The following MED23 variants were observed in gnomAD, a reference collection of about 807,000 sequenced individuals.
The protein encoded by MED23 is mediator of RNA polymerase II transcription subunit 23.
In MED23, 105 loss-of-function variants were observed where a neutral mutation model predicts 163.9. That is an observed-to-expected ratio of 0.64 (90% CI 0.55 to 0.75). The LOEUF is 0.75. Among genes scored for constraint, MED23 ranks in the 30% least tolerant of loss-of-function variants. MED23 has a pLI of 0.00. For synonymous variants in MED23, 561 were observed against 565.6 expected (o/e 0.99, Z 0.12); for missense variants, 1,054 against 1,649.0 (o/e 0.64, Z 6.25).
rs747155006 is a variant in MED23, at chr6:131,618,431, C to T, written c.756G>A (p.Leu252=). 17 of 1,613,626 alleles carry T rather than the reference C, an allele frequency of 1.1e-5. No individual in the cohort carries two copies. Among genetic ancestry groups the T allele is most frequent in the Non-Finnish European group, 1.4e-5 (17 of 1,179,782 alleles). The part of the protein sequence containing the change: ...KLDPATLRFP[L]KGLLPYDKDL... The stretch of plus-strand genomic sequence containing the variant: ...CCTTATCATATGGCAAAAGGCCTTT[C>T]AAAGGAAAACGAAGAGTAGCAGGAT... The change falls in exon 9 of 29, where the codon TTG becomes TTA. Residue 252 remains leucine, a synonymous_variant. Transcript: ENST00000368068.
intron 4 of MED23, among the ~76,000 whole-genome samples, chr6:131,624,244 G>A (rs191747674): frequency 1.3e-5 from 2 of 152,302 alleles, no homozygotes; most frequent in Non-Finnish European, 2.9e-5. Context: ...TAAGACTATG[G>A]CCAAAAGGAT....
Position 131,596,169 on chromosome 6 carries a change from G to C in MED23, c.2779-6C>G. ...TACAACTTCTCTGGATATTTCTGTGGAATTGAGAAGATGATAAATGGTTAG... is the reference window on the plus strand; with the variant it reads ...TACAACTTCTCTGGATATTTCTGTGCAATTGAGAAGATGATAAATGGTTAG... On this transcript the variant is annotated splice_region_variant and splice_polypyrimidine_tract_variant and intron_variant, in intron 21 of 28. Transcript: ENST00000368068. 6.2e-7 allele frequency: 1 copy of C among 1,611,098 alleles called. No homozygotes were observed. The highest frequency in any genetic ancestry group is 8.5e-7 in the Non-Finnish European group (1 of 1,177,282).
chr6:131,627,604 A>G, intron 2 of MED23, 37 bp downstream of exon 2: 1 of 1,611,304 alleles, frequency 6.2e-7, no homozygotes, highest in Non-Finnish European at 8.5e-7. Context: ...AGACACAATC[A>G]CATAAAAACA....
At chr6:131,627,897 G>T in intron 1 of MED23, 114 bp downstream of exon 1, 1 of 1,367,186 alleles carries the variant, frequency 7.3e-7, no homozygotes, top group Non-Finnish European at 1.0e-6. Context: ...TCAAAACAAG[G>T]GAATAAAAAG....
rs144994895 is a variant in MED23 at position 131,576,667 on chromosome 6, G to A, written c.4096-2372C>T. The A allele has an allele frequency of 1.3e-3, 2,042 of 1,613,738 alleles. 3 individuals carry two copies. The highest frequency in any genetic ancestry group is 1.6e-3 in the Non-Finnish European group (1,879 of 1,179,686). On this transcript the variant is annotated intron_variant, in intron 30 of 30. Coordinates refer to the MED23 transcript ENST00000354577. ...CTTTATTTTTTAATTGTTCAGCCACGAGGAGGGGTGGAAGAAGGCCCTACA... is the reference window on the plus strand; with the variant it reads ...CTTTATTTTTTAATTGTTCAGCCACAAGGAGGGGTGGAAGAAGGCCCTACA...
chr6:131,583,722 A>G, downstream of MED23: 1 of 1,610,214 alleles, frequency 6.2e-7, no homozygotes, highest in South Asian at 1.1e-5. Context: ...AAATTACATT[A>G]TTACAATTTG....
intron 11 of MED23, among the ~76,000 whole-genome samples, chr6:131,609,019 C>A (rs2114690556): frequency 6.6e-6 from 1 of 152,256 alleles, no homozygotes; most frequent in South Asian, 2.1e-4. Context: ...TCACCTAGTC[C>A]TATTCCACGT....
At chr6:131,585,297 C>T (rs1181485556), downstream of MED23, among the ~76,000 whole-genome samples, 1 of 152,138 alleles carries the variant, frequency 6.6e-6, no homozygotes, top group East Asian at 1.9e-4. Flanking sequence ...TATGTGAAAA[C>T]CCCAGGGGGT....
chr6:131,627,773 C>G (rs915867363), intron 1 of MED23, 101 bp from the exon 2 acceptor site: 2 of 1,195,292 alleles, frequency 1.7e-6, no homozygotes, highest in Non-Finnish European at 2.4e-6. Context: ...TCACCTTAAT[C>G]AGCTCTGAAA....
At position 131,625,009 on chromosome 6, in the gene MED23, T is replaced by C; in HGVS notation, c.160-20A>G. The C allele has an allele frequency of 6.2e-7, 1 of 1,612,472 alleles. No individual in the cohort carries two copies. Among genetic ancestry groups the C allele is most frequent in the Non-Finnish European group, 8.5e-7 (1 of 1,179,532 alleles). On this transcript the variant is annotated intron_variant, in intron 3 of 28. Coordinates refer to ENST00000368068, the MANE Select transcript of MED23 (RefSeq NM_004830.4). ...AGACTCCTGGAAAATGAGAGAATGA[T>C]TTTACTTGGGGTCTAAAGTTACATT...
At chr6:131,593,882 C>G (rs1774841610) in intron 23 of MED23, among the ~76,000 whole-genome samples, 1 of 152,028 alleles carries the variant, frequency 6.6e-6, no homozygotes, top group Non-Finnish European at 1.5e-5. Flanking sequence ...CGCTTATCCT[C>G]AAGTTCTAAA....
intron 9 of MED23, 58 bp from the exon 10 acceptor site, chr6:131,616,060 T>G: frequency 7.3e-7 from 1 of 1,371,532 alleles, no homozygotes; most frequent in South Asian, 1.2e-5. Flanking sequence ...TAATCCAAAT[T>G]ATTAGAAATG....
At chr6:131,586,036 A>G (rs1774162848), downstream of MED23, among the ~76,000 whole-genome samples, 1 of 152,238 alleles carries the variant, frequency 6.6e-6, no homozygotes, top group Non-Finnish European at 1.5e-5. Flanking sequence ...GCAAGAATAC[A>G]TTGACGCTAT....
chr6:131,579,098 TTTTTAA>T lies in MED23; in HGVS notation c.4096-4809_4096-4804del, dbSNP rs768972828. 11 of 1,613,842 alleles carry T rather than the reference TTTTTAA, an allele frequency of 6.8e-6. No individual in the cohort carries two copies. Among genetic ancestry groups the T allele is most frequent in the Non-Finnish European group, 9.3e-6 (11 of 1,179,904 alleles). The stretch of plus-strand genomic sequence containing the variant: ...ACTTTTTAATTTAGTAACTCAAAAC[TTTTTAA>T]TTTTAGAGTGTGATGTGAAGGATTA... On this transcript the variant is annotated intron_variant, in intron 30 of 30. Transcript: ENST00000354577.
At chr6:131,599,456 A>G (rs868215184) in intron 18 of MED23, among the ~76,000 whole-genome samples, 2 of 152,194 alleles carry the variant, frequency 1.3e-5, no homozygotes, top group African/African-American at 4.8e-5. Flanking sequence ...GTGAAGTGTC[A>G]TATTACGCAC....
chr6:131,604,466 G>T, intron 14 of MED23, 146 bp from the exon 15 acceptor site: 1 of 957,496 alleles, frequency 1.0e-6, no homozygotes, highest in Non-Finnish European at 1.6e-6. Flanking sequence ...AGCTGTGCAG[G>T]ACACTTGGTA....
chr6:131,606,316 T>G (rs935179964), intron 13 of MED23, among the ~76,000 whole-genome samples, 163 bp downstream of exon 13: 1 of 152,100 alleles, frequency 6.6e-6, no homozygotes, highest in African/African-American at 2.4e-5. Context: ...ATATAGGTAC[T>G]GGTCAGATTC....
At chr6:131,616,224 G>A (rs908710893) in intron 9 of MED23, among the ~76,000 whole-genome samples, 2 of 152,018 alleles carry the variant, frequency 1.3e-5, no homozygotes, top group African/African-American at 4.8e-5. Flanking sequence ...TTGCCCCAAG[G>A]TCATACAGAG....
rs115616827 is a variant in MED23, at chr6:131,608,314, G to A, written c.1078-243C>T. On this transcript the variant is annotated intron_variant, in intron 11 of 28. Coordinates refer to ENST00000368068, the MANE Select transcript of MED23 (RefSeq NM_004830.4). ...TTTCCTGCTCCCCAAAACAACTAAT[G>A]CATATAAAAATGCAATGTTTTAGAA... 7.4e-3 allele frequency among the ~76,000 whole-genome samples: 1,127 copies of A among 151,498 alleles called. 15 individuals are homozygous for A. The highest frequency in any genetic ancestry group is 0.025 in the African/African-American group (1,033 of 40,930).
Sources: allele counts gnomAD v4.1 joint callset (sites outside exome capture counted in the v4.1 genomes callset), GRCh38; gene constraint gnomAD v4.1.1; transcripts MANE v1.5; gene names NCBI Gene and HGNC (gene_info 2026-07-23, HGNC 2026-07-21).